The following EHBP1 variants were observed in gnomAD, a reference collection of about 807,000 sequenced individuals.
The protein encoded by EHBP1 is EH domain binding protein 1, also known as EH domain-binding protein 1.
A neutral mutation model predicts 144.0 loss-of-function variants in EHBP1; 55 were observed. The ratio of observed to expected loss-of-function variants is 0.38; its 90% confidence interval spans 0.31 to 0.48. The LOEUF (loss-of-function observed/expected upper bound fraction) is 0.48, where lower values mean the gene tolerates loss of function less well. Ranked by LOEUF, EHBP1 falls within the 20% of genes least tolerant of loss-of-function variation. The pLI, the probability that EHBP1 is intolerant of heterozygous loss-of-function variation, is 0.98. For synonymous variants in EHBP1, 469 were observed against 472.7 expected, an observed-to-expected ratio of 0.99 and a Z score of 0.10; for missense variants, 1,200 against 1,364.2, an observed-to-expected ratio of 0.88 and a Z score of 1.90.
At chr2:62,686,185 T>TGAACAAAAGGAAGACAGCTTTAC (rs1323975202) in intron 1 of EHBP1, among the ~76,000 whole-genome samples, 1 of 152,172 alleles carries the variant, frequency 6.6e-6, no homozygotes. Flanking sequence ...GGCTTTGTGC[T>TGAACAAAAGGAAGACAGCTTTAC]GAACAAAAGG....
intron 2 of EHBP1, among the ~76,000 whole-genome samples, chr2:62,713,398 T>A (rs950900223): frequency 1.3e-5 from 2 of 152,072 alleles, no homozygotes; most frequent in East Asian, 1.9e-4. Flanking sequence ...TGTACCACCA[T>A]GTCTGGCTAG....
At chr2:62,674,690 C>T (rs1444969882) in intron 1 of EHBP1, among the ~76,000 whole-genome samples, 1 of 152,184 alleles carries the variant, frequency 6.6e-6, no homozygotes, top group African/African-American at 2.4e-5. Context: ...AGCAGATATT[C>T]ACATAATCCT....
intron 5 of EHBP1, among the ~76,000 whole-genome samples, chr2:62,807,560 AAAAAG>A (rs1423595002): frequency 2.6e-5 from 4 of 152,214 alleles, no homozygotes; most frequent in Admixed American, 2.6e-4. Flanking sequence ...AAAAAAACAA[AAAAAG>A]AAAAATGTTA....
chr2:62,889,047 C>CTTTT (rs71410971), intron 10 of EHBP1, among the ~76,000 whole-genome samples: 869 of 39,752 alleles, frequency 0.022, 130 homozygotes, highest in Non-Finnish European at 0.029. Context: ...GTAGGTACCT[C>CTTTT]TTTTTTTTTT....
intron 10 of EHBP1, among the ~76,000 whole-genome samples, chr2:62,903,788 G>A (rs78678415): frequency 4.9e-5 from 1 of 20,386 alleles, no homozygotes; most frequent in Non-Finnish European, 1.2e-4. Context: ...GGAGAAGGAG[G>A]AGAAGGAGAA....
intron 10 of EHBP1, among the ~76,000 whole-genome samples, chr2:62,897,453 G>T (rs1360827250): frequency 1.3e-5 from 2 of 152,148 alleles, no homozygotes; most frequent in Non-Finnish European, 1.5e-5. Flanking sequence ...TAAATTTTCT[G>T]AAGTGAGTCA....
intron 14 of EHBP1, among the ~76,000 whole-genome samples, chr2:62,960,362 T>G (rs1318423572): frequency 6.6e-6 from 1 of 152,182 alleles, no homozygotes; most frequent in African/African-American, 2.4e-5. Flanking sequence ...AAGCATTTGC[T>G]GTTGTTGCCT....
intron 10 of EHBP1, among the ~76,000 whole-genome samples, chr2:62,898,109 C>T (rs2053093101): frequency 6.6e-6 from 1 of 152,076 alleles, no homozygotes; most frequent in African/African-American, 2.4e-5. Context: ...CACACAGGGC[C>T]TCAAAGGTCA....
At chr2:62,816,011 A>G (rs890269660) in intron 5 of EHBP1, among the ~76,000 whole-genome samples, 1 of 152,210 alleles carries the variant, frequency 6.6e-6, no homozygotes, top group African/African-American at 2.4e-5. Flanking sequence ...CTATATTACC[A>G]TTAGCCTTTA....
At chr2:62,779,176 G>C (rs1308286054) in intron 5 of EHBP1, among the ~76,000 whole-genome samples, 3 of 152,084 alleles carry the variant, frequency 2.0e-5, no homozygotes, top group Non-Finnish European at 4.4e-5. Context: ...GTATAGTCCT[G>C]TTTATAGCAT....
intron 10 of EHBP1, among the ~76,000 whole-genome samples, chr2:62,926,174 T>C (rs1246096156): frequency 1.3e-5 from 2 of 152,094 alleles, no homozygotes; most frequent in Non-Finnish European, 2.9e-5. Flanking sequence ...TTCAATTAAT[T>C]GTGCTGGGAA....
rs2034658889 is a variant in EHBP1 at position 62,707,023 on chromosome 2, A to T, written c.-169A>T. On this transcript the variant is annotated 5_prime_UTR_variant, in exon 2 of 23. Transcript: ENST00000431489. Reference sequence around the variant, plus strand: ...GACTGGGCCATTCATCTAAGATGGGATTTACCCTGTGAAACAGGGAGAAGA... The same window carrying T: ...GACTGGGCCATTCATCTAAGATGGGTTTTACCCTGTGAAACAGGGAGAAGA... 6.8e-6 allele frequency: 4 copies of T among 590,518 alleles called. No individual in the cohort carries two copies. The South Asian group carries it at 7.6e-5, about 11-fold the overall frequency. 36.6% of individuals were successfully genotyped at this position (590,518 alleles called of 1,614,324 possible).
At chr2:62,964,368 G>A (rs997484906) in intron 14 of EHBP1, among the ~76,000 whole-genome samples, 13 of 152,172 alleles carry the variant, frequency 8.5e-5, no homozygotes, top group African/African-American at 2.9e-4. Context: ...GTTCAGTGCC[G>A]TGTTGAACAT....
At position 62,948,473 on chromosome 2, in the gene EHBP1, T is replaced by C. The variant is rs943796603; in HGVS notation, c.1627T>C (p.Ser543Pro). 6.2e-7 allele frequency: 1 copy of C among 1,613,252 alleles called. No individual in the cohort carries two copies. Among genetic ancestry groups the C allele is most frequent in the Non-Finnish European group, 8.5e-7 (1 of 1,179,450 alleles). The change falls in exon 13 of 23, where the codon TCT becomes CCT. Residue 543 changes from serine to proline, a missense_variant. Coordinates refer to ENST00000431489, the MANE Select transcript of EHBP1 (RefSeq NM_001142616.3). ...VGNYETDTNS[S>P]VDQEKFYAEL... ...AAACTATGAAACAGATACAAACAGT[T>C]CTGTTGATCAAGAAAAATTCTATGC...
chr2:62,805,507 T>C (rs2044375273), intron 5 of EHBP1, among the ~76,000 whole-genome samples: 1 of 151,002 alleles, frequency 6.6e-6, no homozygotes, highest in African/African-American at 2.4e-5. Flanking sequence ...GCATTACTTG[T>C]GTCTGTATAT....
At chr2:62,813,141 A>G (rs1465468702) in intron 5 of EHBP1, among the ~76,000 whole-genome samples, 1 of 152,208 alleles carries the variant, frequency 6.6e-6, no homozygotes, top group Non-Finnish European at 1.5e-5. Context: ...CTTACTGCCC[A>G]GGGCCACCTC....
intron 14 of EHBP1, among the ~76,000 whole-genome samples, chr2:62,970,854 G>A (rs980634155): frequency 1.3e-5 from 2 of 152,148 alleles, no homozygotes; most frequent in Non-Finnish European, 2.9e-5. Context: ...TGTCAAAGCC[G>A]CTGGGATGCC....
At chr2:62,858,266 A>G in intron 7 of EHBP1, 1 of 537,824 alleles carries the variant, frequency 1.9e-6, no homozygotes, top group South Asian at 3.1e-5. Flanking sequence ...TTATGGGTTC[A>G]TCAAAATAAC....
intron 5 of EHBP1, among the ~76,000 whole-genome samples, chr2:62,795,994 G>GCCCTTCTGC (rs1363927625): frequency 6.6e-6 from 1 of 151,586 alleles, no homozygotes; most frequent in Non-Finnish European, 1.5e-5. Context: ...AGACTTTTCT[G>GCCCTTCTGC]CCCTTCTGCC....
Sources: allele counts gnomAD v4.1 joint callset (sites outside exome capture counted in the v4.1 genomes callset), GRCh38; gene constraint gnomAD v4.1.1; transcripts MANE v1.5; gene names NCBI Gene and HGNC (gene_info 2026-07-23, HGNC 2026-07-21).